Variants in SLC7A11 observed in about 807,000 individuals in gnomAD.
The protein encoded by SLC7A11 is cystine/glutamate transporter.
Under a neutral mutation model 54.5 loss-of-function variants are expected in SLC7A11, and 35 were observed. That is an observed-to-expected ratio of 0.64 (90% CI 0.49 to 0.85). The LOEUF is 0.85. Among genes scored for constraint, SLC7A11 ranks in the 40% least tolerant of loss-of-function variants. The pLI is 0.00. For synonymous variants in SLC7A11, 230 were observed against 225.2 expected (o/e 1.02, Z -0.19); for missense variants, 583 against 618.1 (o/e 0.94, Z 0.60).
At chr4:138,222,879 AT>A in intron 4 of SLC7A11, among the ~76,000 whole-genome samples, 1 of 149,104 alleles carries the variant, frequency 6.7e-6, no homozygotes, top group East Asian at 2.0e-4. Flanking sequence ...AAAAAGACAT[AT>A]TTATCTTTAA....
Position 138,232,288 on chromosome 4 carries a change from G to A in SLC7A11, c.499C>T (p.Leu167Phe), listed in dbSNP as rs756980113. The change falls in exon 3 of 12, where the codon CTC becomes TTC. Residue 167 changes from leucine to phenylalanine, a missense_variant. Physicochemically the swap from Leu to Phe is conservative, Grantham distance 22 (BLOSUM62 0). Transcript: ENST00000280612. ...TCACTTATGCCCACAGCTGTAATGAGCTTGATCGCAAGTTCAGGGATTTCA... is the reference window on the plus strand; with the variant it reads ...TCACTTATGCCCACAGCTGTAATGAACTTGATCGCAAGTTCAGGGATTTCA... ...QCEIPELAIK[L>F]ITAVGITVVM... 5.0e-6 allele frequency: 8 copies of A among 1,609,214 alleles called. No homozygotes were observed. In the Admixed American group the frequency reaches 6.7e-5, roughly 13 times the overall value.
intron 1 of SLC7A11, among the ~76,000 whole-genome samples, chr4:138,237,176 A>G (rs1738232917): frequency 6.6e-6 from 1 of 150,928 alleles, no homozygotes. Context: ...TTTAGTAGAG[A>G]CGGGGTTTCA....
At chr4:138,175,903 G>A (rs1234137007) in intron 11 of SLC7A11, 2 of 152,032 alleles carry the variant, frequency 1.3e-5, no homozygotes, top group Non-Finnish European at 2.9e-5. Flanking sequence ...CATTATCAGG[G>A]TAAAAATAAA....
chr4:138,167,757 T>G lies in SLC7A11; in HGVS notation c.*4199A>C, dbSNP rs954414189. On this transcript the variant is annotated 3_prime_UTR_variant, in exon 12 of 12. Transcript: ENST00000280612. ...GCAAAATGTAACTCTGTAAACTTGATCAGCACTAATGTACAACATATTATG... is the reference window on the plus strand; with the variant it reads ...GCAAAATGTAACTCTGTAAACTTGAGCAGCACTAATGTACAACATATTATG... 6.6e-6 allele frequency: 1 copy of G among 152,158 alleles called. No homozygotes were observed. Among genetic ancestry groups the G allele is most frequent in the Non-Finnish European group, 1.5e-5 (1 of 68,022 alleles). 9.4% of individuals were successfully genotyped at this position (152,158 alleles called of 1,614,324 possible).
intron 3 of SLC7A11, among the ~76,000 whole-genome samples, chr4:138,229,660 G>A (rs775787328): frequency 5.1e-4 from 78 of 152,242 alleles, no homozygotes; most frequent in African/African-American, 1.5e-3. Flanking sequence ...AGTTTAGTTT[G>A]AGCAGTTTTC....
At chr4:138,219,399 C>T (rs1737754817) in intron 4 of SLC7A11, 34 bp from the exon 5 acceptor site, 1 of 1,284,336 alleles carries the variant, frequency 7.8e-7, no homozygotes, top group Admixed American at 1.7e-5. Flanking sequence ...TAGGATTTTT[C>T]AAAGAATTGG....
In SLC7A11 at chr4:138,180,137, A is replaced by G. The variant is rs567920170; in HGVS notation, c.1266+504T>C. 2.6e-4 allele frequency among the ~76,000 whole-genome samples: 40 copies of G among 152,180 alleles called. 1 individual carries two copies. Among genetic ancestry groups the G allele is most frequent in the African/African-American group, 8.2e-4 (34 of 41,524 alleles). On this transcript the variant is annotated intron_variant, in intron 10 of 11. Coordinates refer to ENST00000280612, the MANE Select transcript of SLC7A11 (RefSeq NM_014331.4). ...TTGTAGATCTTCTCTTTCCCTGTAT[A>G]TTTTACATTTCTATTCTTTTTGGAG...
At chr4:138,183,374 C>G in intron 7 of SLC7A11, 69 bp from the exon 8 acceptor site, 1 of 1,004,282 alleles carries the variant, frequency 1.0e-6, no homozygotes, top group Non-Finnish European at 1.5e-6. Flanking sequence ...ACAATTTAGG[C>G]CAAACTTGCT....
At chr4:138,229,297 A>G (rs1011174417) in intron 3 of SLC7A11, among the ~76,000 whole-genome samples, 2 of 152,136 alleles carry the variant, frequency 1.3e-5, no homozygotes, top group Admixed American at 6.5e-5. Flanking sequence ...CTCCTTCTCT[A>G]TCTCCATCTC....
At chr4:138,199,845 G>C (rs1218603414) in intron 6 of SLC7A11, among the ~76,000 whole-genome samples, 1 of 152,158 alleles carries the variant, frequency 6.6e-6, no homozygotes, top group Non-Finnish European at 1.5e-5. Flanking sequence ...CCGCAGCTCA[G>C]AGAAAGACAT....
intron 3 of SLC7A11, among the ~76,000 whole-genome samples, chr4:138,230,052 T>C (rs1423208110): frequency 1.3e-5 from 2 of 152,210 alleles, no homozygotes; most frequent in Non-Finnish European, 2.9e-5. Context: ...AAGAACTTTC[T>C]ATAGGCAAGG....
chr4:138,216,400 C>A (rs1737682168), intron 5 of SLC7A11, among the ~76,000 whole-genome samples: 1 of 151,978 alleles, frequency 6.6e-6, no homozygotes, highest in Admixed American at 6.6e-5. Context: ...AAAAAGAAAA[C>A]CCTACCAAGC....
At position 138,166,021 on chromosome 4, in the gene SLC7A11, C is replaced by G. The variant is rs566063687; in HGVS notation, c.*5935G>C. Reference sequence around the variant, plus strand: ...ATATACACAGTCATTTAACATAGATCGTTTCTAGTCGAGTATGAGCATACA... The same window carrying G: ...ATATACACAGTCATTTAACATAGATGGTTTCTAGTCGAGTATGAGCATACA... On this transcript the variant is annotated 3_prime_UTR_variant, in exon 12 of 12. Transcript: ENST00000280612. The G allele has an allele frequency of 6.6e-6, 1 of 152,140 alleles. No individual in the cohort carries two copies. Among genetic ancestry groups the G allele is most frequent in the East Asian group, 1.9e-4 (1 of 5,172 alleles). The allele number at this position is 152,140 out of a possible 1,614,324, so 9.4% of individuals were successfully genotyped here. A position where few individuals can be genotyped will look rare whatever the true frequency, so the allele number is the denominator to read the frequency against.
Position 138,166,228 on chromosome 4 carries a change from A to G in SLC7A11, c.*5728T>C, listed in dbSNP as rs1481599519. On this transcript the variant is annotated 3_prime_UTR_variant, in exon 12 of 12. Coordinates refer to ENST00000280612, the MANE Select transcript of SLC7A11 (RefSeq NM_014331.4). The stretch of plus-strand genomic sequence containing the variant: ...CTGTGCTTCCAAGTATGCATCTAAT[A>G]AAGTTAGTTAGTAGGAAAATTTGAT... The G allele has an allele frequency of 6.6e-6, 1 of 152,216 alleles. No homozygotes were observed. The highest frequency in any genetic ancestry group is 1.5e-5 in the Non-Finnish European group (1 of 68,034). The allele number at this position is 152,216 out of a possible 1,614,324, so 9.4% of individuals were successfully genotyped here. A position where few individuals can be genotyped will look rare whatever the true frequency, so the allele number is the denominator to read the frequency against.
intron 6 of SLC7A11, among the ~76,000 whole-genome samples, chr4:138,188,623 C>T (rs1578639203): frequency 3.3e-5 from 5 of 152,148 alleles, no homozygotes; most frequent in Admixed American, 3.3e-4. Context: ...GCTATTAGGC[C>T]ATGCCTGAGC....
chr4:138,222,624 A>T (rs1028112413), intron 4 of SLC7A11, among the ~76,000 whole-genome samples: 5 of 152,236 alleles, frequency 3.3e-5, no homozygotes, highest in African/African-American at 1.2e-4. Flanking sequence ...AATCGCAGAA[A>T]TGCGAATTTT....
chr4:138,203,867 G>T (rs551406152), intron 6 of SLC7A11, among the ~76,000 whole-genome samples: 12 of 152,100 alleles, frequency 7.9e-5, no homozygotes, highest in African/African-American at 2.9e-4. Flanking sequence ...TGGATAAGAT[G>T]CAAAATTCTT....
intron 6 of SLC7A11, among the ~76,000 whole-genome samples, chr4:138,208,751 TTTG>T (rs1382341830): frequency 6.6e-6 from 1 of 151,720 alleles, no homozygotes; most frequent in Non-Finnish European, 1.5e-5. Context: ...AATATATTAA[TTTG>T]TGGAGTCAGC....
Position 138,242,164 on chromosome 4 carries a change from T to C in SLC7A11, c.-95A>G. ...GGTGTTACTGATCGATGTCTTCCTC[T>C]GCTTTCAGACTGTCTCTCTCAGCGC... is the stretch of plus-strand genomic sequence containing the variant. On this transcript the variant is annotated 5_prime_UTR_variant, in exon 1 of 12. Transcript: ENST00000280612. 1.5e-6 allele frequency: 2 copies of C among 1,377,906 alleles called. No homozygotes were observed. The highest frequency in any genetic ancestry group is 2.0e-6 in the Non-Finnish European group (2 of 1,013,122). The allele number at this position is 1,377,906 out of a possible 1,614,324, so 85.4% of individuals were successfully genotyped here. A position where few individuals can be genotyped will look rare whatever the true frequency, so the allele number is the denominator to read the frequency against.
Sources: gnomAD v4.1 joint callset for allele counts (sites outside exome capture counted in the v4.1 genomes callset) on GRCh38, gnomAD v4.1.1 for gene constraint, MANE v1.5 for transcripts, NCBI Gene and HGNC (gene_info 2026-07-23, HGNC 2026-07-21) for gene names.